PRPF18: variants seen among roughly 807,000 people sequenced by gnomAD.
PRPF18 encodes pre-mRNA-splicing factor 18.
PRPF18 carries 38 observed loss-of-function variants against 46.5 expected under a neutral mutation model. The ratio of observed to expected loss-of-function variants is 0.82; its 90% CI spans 0.63 to 1.07. The LOEUF is 1.07. PRPF18 is among the 50% of genes least tolerant of loss of function. PRPF18 has a pLI of 0.00. For missense variants in PRPF18, 263 were observed against 410.0 expected (o/e 0.64, Z 3.10); for synonymous variants, 152 against 146.7 (o/e 1.04, Z -0.26).
chr10:13,595,717 C>T (rs1229256372), intron 1 of PRPF18, among the ~76,000 whole-genome samples: 1 of 152,152 alleles, frequency 6.6e-6, no homozygotes, highest in African/African-American at 2.4e-5. Context: ...ACCATCGGTT[C>T]CTTACCCCAG....
intron 9 of PRPF18, among the ~76,000 whole-genome samples, chr10:13,620,789 A>T (rs1355250669): frequency 3.3e-5 from 5 of 152,252 alleles, no homozygotes; most frequent in Non-Finnish European, 7.3e-5. Flanking sequence ...CATAGATTTC[A>T]TCTTTTGGTT....
the PRPF18 span, chr10:13,652,069 T>C: frequency 2.6e-5 from 20 of 778,560 alleles, no homozygotes; most frequent in East Asian, 2.7e-4. Flanking sequence ...CTTATTAATA[T>C]ATCCGAAAGG....
intron 9 of PRPF18, among the ~76,000 whole-genome samples, chr10:13,629,767 TTGG>T (rs2080567350): frequency 6.6e-6 from 1 of 152,186 alleles, no homozygotes. Flanking sequence ...CAGAAAATAA[TTGG>T]AGTGTATTTT....
intron 6 of PRPF18, among the ~76,000 whole-genome samples, chr10:13,612,645 T>TTTTTA (rs1481487973): frequency 1.3e-5 from 2 of 149,920 alleles, no homozygotes; most frequent in African/African-American, 4.9e-5. Context: ...TTTTTTTTTT[T>TTTTTA]TTTAAGCAAA....
chr10:13,629,373 T>A (rs1246139391), intron 9 of PRPF18, among the ~76,000 whole-genome samples: 1 of 152,238 alleles, frequency 6.6e-6, no homozygotes, highest in East Asian at 1.9e-4. Context: ...TTTTATTGTG[T>A]AATATTTGGT....
chr10:13,654,935 T>C, the PRPF18 span: 1 of 179,496 alleles, frequency 5.6e-6, no homozygotes, highest in African/African-American at 2.4e-5. Context: ...CAGGGCATTT[T>C]CAGTGTGGCC....
At chr10:13,608,871 T>TG (rs2133603677) in intron 4 of PRPF18, among the ~76,000 whole-genome samples, 2 of 152,342 alleles carry the variant, frequency 1.3e-5, no homozygotes, top group African/African-American at 4.8e-5. Flanking sequence ...ATTTGGCCGT[T>TG]GGCAAGTCTT....
chr10:13,627,989 A>G (rs2080534217), intron 9 of PRPF18, among the ~76,000 whole-genome samples: 1 of 146,924 alleles, frequency 6.8e-6, no homozygotes, highest in Admixed American at 7.0e-5. Flanking sequence ...TAAGATGCCA[A>G]ATTAGTGCTA....
the PRPF18 span, among the ~76,000 whole-genome samples, chr10:13,653,634 G>C: frequency 2.0e-5 from 3 of 152,340 alleles, no homozygotes; most frequent in South Asian, 4.1e-4. Flanking sequence ...CCAGGAACCA[G>C]ACAAACCGAG....
intron 9 of PRPF18, among the ~76,000 whole-genome samples, chr10:13,621,037 CT>C (rs2080413774): frequency 6.6e-6 from 1 of 152,164 alleles, no homozygotes; most frequent in Non-Finnish European, 1.5e-5. Flanking sequence ...GGTAAAGCTT[CT>C]TTTACATATA....
chr10:13,631,954 T>A, downstream of PRPF18: 1 of 152,564 alleles, frequency 6.6e-6, no homozygotes. Flanking sequence ...CTGATGGTTA[T>A]ATGCATGGTG....
At chr10:13,633,957 A>G (rs142183103), downstream of PRPF18, among the ~76,000 whole-genome samples, 142 of 152,318 alleles carry the variant, frequency 9.3e-4, 2 homozygotes, top group African/African-American at 3.2e-3. Context: ...CTGCAGTTCC[A>G]TTGGCTGAAC....
At chr10:13,608,342 A>G (rs1308399964) in intron 4 of PRPF18, among the ~76,000 whole-genome samples, 1 of 151,704 alleles carries the variant, frequency 6.6e-6, no homozygotes, top group Non-Finnish European at 1.5e-5. Flanking sequence ...CTCAGTTGGA[A>G]TGGCAGGAAC....
At chr10:13,601,116 C>G (rs766090946) in intron 3 of PRPF18, among the ~76,000 whole-genome samples, 1 of 152,158 alleles carries the variant, frequency 6.6e-6, no homozygotes, top group African/African-American at 2.4e-5. Flanking sequence ...TATTGATGAT[C>G]ATTTAGATTG....
At chr10:13,594,825 A>C (rs1432232811) in intron 1 of PRPF18, among the ~76,000 whole-genome samples, 2 of 152,198 alleles carry the variant, frequency 1.3e-5, no homozygotes, top group East Asian at 3.8e-4. Flanking sequence ...TGTTTTGTTC[A>C]GTTCTGAGAA....
At chr10:13,638,123 G>A in the PRPF18 span, 1 of 152,214 alleles carries the variant, frequency 6.6e-6, no homozygotes, top group African/African-American at 2.4e-5. Context: ...GTCTGTGGGT[G>A]AGTGGGACTG....
downstream of PRPF18, among the ~76,000 whole-genome samples, chr10:13,635,155 C>G (rs924537890): frequency 2.4e-4 from 37 of 152,174 alleles, no homozygotes; most frequent in African/African-American, 8.7e-4. Flanking sequence ...ATTTGCTTTG[C>G]TGTTTCTGTG....
chr10:13,603,494 T>G (rs912973263), intron 3 of PRPF18, among the ~76,000 whole-genome samples: 2 of 152,212 alleles, frequency 1.3e-5, no homozygotes, highest in African/African-American at 4.8e-5. Flanking sequence ...TATGCACTCC[T>G]CACAACTTGG....
In PRPF18 at chr10:13,605,633, C is replaced by T. The variant is rs774760707; in HGVS notation, c.252C>T (p.Val84=). Reference sequence around the variant, plus strand: ...TGGGTATCTGTTTCACTTTGTAGGTCATCAGAAGATTGAGAGAAAGAGGAG... The same window carrying T: ...TGGGTATCTGTTTCACTTTGTAGGTTATCAGAAGATTGAGAGAAAGAGGAG... The part of the protein sequence containing the change: ...KLPMTLSRQE[V]IRRLRERGEP... Residue 84 remains valine (V), a splice_region_variant and synonymous_variant, in exon 4 of 10, where the codon GTC becomes GTT. Coordinates refer to ENST00000378572, the MANE Select transcript of PRPF18 (RefSeq NM_003675.4). 5.1e-6 allele frequency: 8 copies of T among 1,577,454 alleles called. No individual in the cohort carries two copies. In the South Asian group the frequency reaches 5.8e-5, roughly 11 times the overall value.
Sources: gnomAD v4.1 joint callset for allele counts (sites outside exome capture counted in the v4.1 genomes callset) on GRCh38, gnomAD v4.1.1 for gene constraint, MANE v1.5 for transcripts, NCBI Gene and HGNC (gene_info 2026-07-23, HGNC 2026-07-21) for gene names.